Variants in CEP83 observed in about 807,000 individuals in gnomAD.
CEP83 encodes centrosomal protein of 83 kDa.
CEP83 carries 70 observed loss-of-function variants against 101.9 expected under a neutral mutation model. That is an observed-to-expected ratio of 0.69 (90% CI 0.57 to 0.84). The LOEUF is 0.84. Among genes scored for constraint, CEP83 ranks in the 40% least tolerant of loss-of-function variants. The pLI, the probability that CEP83 is intolerant of heterozygous loss-of-function variation, is 0.00. For missense variants in CEP83, 715 were observed against 787.2 expected (o/e 0.91, Z 1.10); for synonymous variants, 264 against 267.9 (o/e 0.99, Z 0.14).
At chr12:94,449,387 A>C (rs192246823) in intron 1 of CEP83, among the ~76,000 whole-genome samples, 4 of 152,316 alleles carry the variant, frequency 2.6e-5, no homozygotes, top group Middle Eastern at 6.8e-3. Flanking sequence ...CAACAGACTA[A>C]TATCCCTCAG....
chr12:94,406,431 C>G (rs938259012), intron 4 of CEP83, among the ~76,000 whole-genome samples: 3 of 151,678 alleles, frequency 2.0e-5, no homozygotes, highest in Admixed American at 6.6e-5. Context: ...TAAAAATTTA[C>G]CAGGCATGCA....
chr12:94,412,839 C>T (rs537984481), intron 2 of CEP83, among the ~76,000 whole-genome samples: 1 of 151,642 alleles, frequency 6.6e-6, no homozygotes, highest in East Asian at 1.9e-4. Flanking sequence ...CAGGCGCCTG[C>T]CACCATACCC....
intron 16 of CEP83, 113 bp downstream of exon 16, chr12:94,309,805 G>T: frequency 1.7e-6 from 1 of 576,880 alleles, no homozygotes; most frequent in Non-Finnish European, 2.9e-6. Context: ...CATTTTTGTG[G>T]TGAATTTTGA....
downstream of CEP83, among the ~76,000 whole-genome samples, chr12:94,301,945 T>C (rs1404216956): frequency 2.0e-5 from 3 of 152,120 alleles, no homozygotes; most frequent in Non-Finnish European, 4.4e-5. Flanking sequence ...TGTCGCTCCC[T>C]CCTCCTTCCT....
chr12:94,282,491 A>G, the CEP83 span: 10 of 826,026 alleles, frequency 1.2e-5, no homozygotes, highest in African/African-American at 6.8e-5. Flanking sequence ...ACTCCCACCC[A>G]TTTCCTGGAA....
intron 11 of CEP83, chr12:94,361,380 A>ACTCTT (rs1176239997): frequency 5.9e-5 from 9 of 152,186 alleles, no homozygotes; most frequent in African/African-American, 1.9e-4. Flanking sequence ...TCCCAAGAGT[A>ACTCTT]GAGGACCACC....
intron 1 of CEP83, among the ~76,000 whole-genome samples, chr12:94,449,051 G>C (rs2067023050): frequency 6.8e-6 from 1 of 146,992 alleles, no homozygotes; most frequent in Non-Finnish European, 1.5e-5. Flanking sequence ...TCACTATACT[G>C]ACCAAGAAAA....
chr12:94,279,867 G>A, the CEP83 span: 3 of 687,442 alleles, frequency 4.4e-6, no homozygotes, highest in South Asian at 4.5e-5. Flanking sequence ...CTTCAAAGAT[G>A]GCGTTTGTTG....
downstream of CEP83, chr12:94,304,208 A>T: frequency 1.7e-6 from 1 of 575,988 alleles, no homozygotes; most frequent in Non-Finnish European, 3.1e-6. Flanking sequence ...ACTGAGCCAG[A>T]CCCTGTACAT....
At chr12:94,314,695 C>T (rs1970390653) in intron 14 of CEP83, among the ~76,000 whole-genome samples, 2 of 152,142 alleles carry the variant, frequency 1.3e-5, no homozygotes, top group Admixed American at 1.3e-4. Flanking sequence ...TTTGATTGTC[C>T]CACATCCTCC....
chr12:94,346,547 T>C (rs2136693490), intron 11 of CEP83, among the ~76,000 whole-genome samples: 1 of 152,212 alleles, frequency 6.6e-6, no homozygotes, highest in Middle Eastern at 3.4e-3. Flanking sequence ...GAGAAGGTTA[T>C]GGAAACCCCA....
the CEP83 span, chr12:94,277,646 T>C: frequency 1.3e-5 from 4 of 313,592 alleles, no homozygotes; most frequent in South Asian, 5.3e-5. Flanking sequence ...ACTGGGTTCA[T>C]TGCTGGCAGC....
chr12:94,350,278 A>G (rs1256989426), intron 11 of CEP83, among the ~76,000 whole-genome samples: 3 of 152,220 alleles, frequency 2.0e-5, no homozygotes, highest in Non-Finnish European at 1.5e-5. Context: ...TGACACTGAC[A>G]TAAAGACCAA....
chr12:94,374,206 G>T (rs936927175), intron 8 of CEP83, among the ~76,000 whole-genome samples: 1 of 152,074 alleles, frequency 6.6e-6, no homozygotes, highest in African/African-American at 2.4e-5. Context: ...AAAAATCAGG[G>T]TCAGCACACA....
At chr12:94,417,309 C>T (rs2064352656) in intron 2 of CEP83, among the ~76,000 whole-genome samples, 2 of 151,880 alleles carry the variant, frequency 1.3e-5, no homozygotes, top group Admixed American at 1.3e-4. Context: ...AAGCAAGATT[C>T]CCACCTCTTA....
At chr12:94,369,873 T>C (rs2061214341) in intron 9 of CEP83, 49 bp downstream of exon 9, 2 of 926,078 alleles carry the variant, frequency 2.2e-6, no homozygotes, top group Non-Finnish European at 3.4e-6. Flanking sequence ...TTTGAGTTCA[T>C]ATCTGAAAAT....
chr12:94,457,626 A>C (rs1238666457), intron 1 of CEP83, among the ~76,000 whole-genome samples: 1 of 152,244 alleles, frequency 6.6e-6, no homozygotes, highest in African/African-American at 2.4e-5. Flanking sequence ...GGAGAGAACT[A>C]AAATTAAGTC....
At chr12:94,415,235 G>T (rs1282627076) in intron 2 of CEP83, among the ~76,000 whole-genome samples, 1 of 151,996 alleles carries the variant, frequency 6.6e-6, no homozygotes, top group Non-Finnish European at 1.5e-5. Flanking sequence ...AACTTATGTG[G>T]TTGAAATGAT....
chr12:94,300,866 A>T, the CEP83 span: 1 of 1,576,726 alleles, frequency 6.3e-7, no homozygotes, highest in Non-Finnish European at 8.7e-7. Flanking sequence ...CATTGGCTTC[A>T]TGAATGGCCC....
Sources: gnomAD v4.1 joint callset for allele counts (sites outside exome capture counted in the v4.1 genomes callset) on GRCh38, gnomAD v4.1.1 for gene constraint, MANE v1.5 for transcripts, NCBI Gene and HGNC (gene_info 2026-07-23, HGNC 2026-07-21) for gene names.